The following UGGT1 variants were observed in gnomAD, a reference collection of about 807,000 sequenced individuals.
UGGT1 encodes the protein UDP-glucose glycoprotein glucosyltransferase 1, also known as UDP-glucose:glycoprotein glucosyltransferase 1.
Under a neutral mutation model 203.9 loss-of-function variants are expected in UGGT1, and 107 were observed. The observed-to-expected ratio is 0.52, with a 90% CI of 0.45 to 0.62. UGGT1 has a LOEUF of 0.62. Ranked by LOEUF, UGGT1 falls within the 20% of genes least tolerant of loss-of-function variation. The pLI is 0.00. For missense variants in UGGT1, 1,673 were observed against 1,867.2 expected (o/e 0.90, Z 1.92); for synonymous variants, 628 against 653.5 (o/e 0.96, Z 0.59).
At chr2:128,107,862 T>C (rs1687673394) in intron 3 of UGGT1, 76 bp from the exon 4 acceptor site, 4 of 1,588,266 alleles carry the variant, frequency 2.5e-6, no homozygotes, top group Non-Finnish European at 3.4e-6. Flanking sequence ...AAACACAGCT[T>C]TGTGCTTCAT....
chr2:128,121,269 T>G lies in UGGT1; in HGVS notation c.1044T>G (p.Asp348Glu). The stretch of plus-strand genomic sequence containing the variant: ...AGTTGGCTTTGGTTGTCATGAAGGA[T>G]CTTAGTCAGAATTTTCCTACCAAAG... ...PVELALVVMK[D>E]LSQNFPTKAR... is the part of the protein sequence containing the mutation. The change falls in exon 10 of 41, where the codon GAT becomes GAG. Residue 348 changes from aspartate (D) to glutamate (E), a missense_variant. Coordinates refer to ENST00000259253, the MANE Select transcript of UGGT1 (RefSeq NM_020120.4). The G allele has an allele frequency of 1.2e-6, 2 of 1,612,378 alleles. No homozygotes were observed. Among genetic ancestry groups the G allele is most frequent in the Non-Finnish European group, 1.7e-6 (2 of 1,179,602 alleles).
intron 16 of UGGT1, among the ~76,000 whole-genome samples, chr2:128,142,780 C>T (rs1689500879): frequency 6.6e-6 from 1 of 151,504 alleles, no homozygotes; most frequent in Non-Finnish European, 1.5e-5. Context: ...GTCAGGGTTT[C>T]AAGACCAGCC....
At chr2:128,145,511 C>A (rs1485546482) in intron 17 of UGGT1, 3 of 198,824 alleles carry the variant, frequency 1.5e-5, no homozygotes, top group South Asian at 7.3e-5. Context: ...AACACACACA[C>A]ACACACACAC....
At position 128,117,567 on chromosome 2, in the gene UGGT1, G is replaced by A. The variant is rs555532632; in HGVS notation, c.872+1224G>A. ...TATTCTTTTTTTTTTTTTTTGAGAC[G>A]GAGTCTTGCTCTGTTGCCTAGGCTG... On this transcript the variant is annotated intron_variant, in intron 8 of 40. Transcript: ENST00000259253. Among the ~76,000 whole-genome samples, 344 of 115,734 alleles carry A rather than the reference G, an allele frequency of 3.0e-3. 1 individual carries two copies. In the Middle Eastern group the frequency reaches 0.037, roughly 12 times the overall value. The allele number at this position is 115,734 out of a possible 152,430, so 75.9% of individuals were successfully genotyped here.
chr2:128,179,688 C>A, intron 34 of UGGT1, 98 bp from the exon 35 acceptor site: 1 of 1,015,094 alleles, frequency 9.9e-7, no homozygotes, highest in Non-Finnish European at 1.5e-6. Context: ...TTAGCTCTGC[C>A]GTAAAGAGCA....
intron 18 of UGGT1, among the ~76,000 whole-genome samples, chr2:128,150,500 CTT>C (rs1300914901): frequency 6.6e-6 from 1 of 152,046 alleles, no homozygotes; most frequent in African/African-American, 2.4e-5. Context: ...TGAAGAGAAA[CTT>C]TTAGCCATAC....
At chr2:128,127,193 G>A (rs1688646171) in intron 11 of UGGT1, among the ~76,000 whole-genome samples, 168 bp from the exon 12 acceptor site, 1 of 152,066 alleles carries the variant, frequency 6.6e-6, no homozygotes, top group Admixed American at 6.6e-5. Flanking sequence ...TATACACTGT[G>A]GTATTATCCC....
intron 33 of UGGT1, 62 bp downstream of exon 33, chr2:128,177,982 C>A: frequency 7.2e-7 from 1 of 1,394,096 alleles, no homozygotes; most frequent in Non-Finnish European, 9.8e-7. Flanking sequence ...CACCATCCAT[C>A]CCTCCTTTTT....
rs779431518 is a variant in UGGT1, at chr2:128,189,743, T to C, written c.*1T>C. On this transcript the variant is annotated 3_prime_UTR_variant, in exon 41 of 41. Coordinates refer to ENST00000259253, the MANE Select transcript of UGGT1 (RefSeq NM_020120.4). ...TCCTCAGAAACGTGAAGAATTATGA[T>C]CTCTGGAGAAGGACAGGAAATCACC... The C allele has an allele frequency of 6.2e-7, 1 of 1,613,092 alleles. No homozygotes were observed. Among genetic ancestry groups the C allele is most frequent in the Admixed American group, 1.7e-5 (1 of 59,956 alleles).
At chr2:128,180,755 G>A (rs941419972) in intron 35 of UGGT1, 135 bp from the exon 36 acceptor site, 10 of 845,466 alleles carry the variant, frequency 1.2e-5, no homozygotes, top group East Asian at 2.7e-5. Flanking sequence ...AGTGGGTCAC[G>A]GCCGGTCTTT....
chr2:128,179,900 C>G, intron 35 of UGGT1, 30 bp downstream of exon 35: 3 of 1,572,146 alleles, frequency 1.9e-6, no homozygotes, highest in Non-Finnish European at 2.6e-6. Context: ...GGAAAACATT[C>G]TTATTAAGGA....
chr2:128,126,492 T>C (rs759812552), intron 11 of UGGT1, among the ~76,000 whole-genome samples: 22 of 152,136 alleles, frequency 1.4e-4, no homozygotes, highest in Non-Finnish European at 3.2e-4. Flanking sequence ...TCCACCCGCC[T>C]CGGCCTCTCA....
chr2:128,132,835 C>T (rs954320630), intron 13 of UGGT1, among the ~76,000 whole-genome samples: 2 of 152,110 alleles, frequency 1.3e-5, no homozygotes, highest in African/African-American at 4.8e-5. Context: ...CCTCAGCCTC[C>T]TGAGTGGCTG....
chr2:128,137,260 C>T (rs927947357), intron 15 of UGGT1, among the ~76,000 whole-genome samples: 1 of 152,060 alleles, frequency 6.6e-6, no homozygotes, highest in African/African-American at 2.4e-5. Flanking sequence ...CTACAGAGAA[C>T]TAAAAAAGAG....
chr2:128,187,377 C>G, intron 39 of UGGT1, 72 bp from the exon 40 acceptor site: 1 of 1,531,202 alleles, frequency 6.5e-7, no homozygotes, highest in Non-Finnish European at 8.8e-7. Flanking sequence ...ACTTGTAACC[C>G]AAGAACCTTT....
chr2:128,149,366 C>T (rs113896135), intron 18 of UGGT1, among the ~76,000 whole-genome samples: 20,348 of 148,270 alleles, frequency 0.14, 1,526 homozygotes, highest in Non-Finnish European at 0.17. Flanking sequence ...AAAAATAGGC[C>T]GGGCGCGATG....
intron 19 of UGGT1, among the ~76,000 whole-genome samples, chr2:128,154,068 C>T (rs1690112726): frequency 6.6e-6 from 1 of 151,858 alleles, no homozygotes; most frequent in South Asian, 2.1e-4. Flanking sequence ...TATACACACA[C>T]ACACACACAC....
chr2:128,099,325 A>G (rs1333675480), intron 2 of UGGT1, among the ~76,000 whole-genome samples: 1 of 151,872 alleles, frequency 6.6e-6, no homozygotes, highest in East Asian at 1.9e-4. Context: ...TGTATGTTTT[A>G]TAGAGATGGG....
At chr2:128,093,975 C>T (rs900864584) in intron 1 of UGGT1, among the ~76,000 whole-genome samples, 4 of 152,126 alleles carry the variant, frequency 2.6e-5, no homozygotes, top group African/African-American at 7.2e-5. Flanking sequence ...ATGTAAAGCA[C>T]CTAATACAAT....
Sources: allele counts gnomAD v4.1 joint callset (sites outside exome capture counted in the v4.1 genomes callset), GRCh38; gene constraint gnomAD v4.1.1; transcripts MANE v1.5; gene names NCBI Gene and HGNC (gene_info 2026-07-23, HGNC 2026-07-21).